Variants in YES1 observed in about 807,000 individuals in gnomAD.
The protein encoded by YES1 is YES proto-oncogene 1, Src family tyrosine kinase, also known as tyrosine-protein kinase Yes.
YES1 carries 39 observed loss-of-function variants against 70.4 expected under a neutral mutation model. The observed-to-expected ratio is 0.55, with a 90% CI of 0.43 to 0.72. The LOEUF (loss-of-function observed/expected upper bound fraction) is 0.72, where lower values mean the gene tolerates loss of function less well. Among genes scored for constraint, YES1 ranks in the 30% least tolerant of loss-of-function variants. The pLI, the probability that YES1 is intolerant of heterozygous loss-of-function variation, is 0.00. For missense variants in YES1, 495 were observed against 644.8 expected, an observed-to-expected ratio of 0.77 and a Z score of 2.52; for synonymous variants, 198 against 218.6, an observed-to-expected ratio of 0.91 and a Z score of 0.83.
At chr18:765,017 A>T (rs1904808489) in intron 1 of YES1, among the ~76,000 whole-genome samples, 1 of 151,776 alleles carries the variant, frequency 6.6e-6, no homozygotes, top group South Asian at 2.1e-4. Flanking sequence ...TACAGGCGTG[A>T]GCCACCTCGC....
intron 1 of YES1, among the ~76,000 whole-genome samples, chr18:773,044 G>A (rs1237255452): frequency 6.6e-6 from 1 of 152,144 alleles, no homozygotes; most frequent in Non-Finnish European, 1.5e-5. Flanking sequence ...TATGATGACT[G>A]GCCTCTTTAG....
intron 1 of YES1, among the ~76,000 whole-genome samples, chr18:761,987 G>A (rs1306164591): frequency 6.6e-6 from 1 of 152,196 alleles, no homozygotes; most frequent in Non-Finnish European, 1.5e-5. Context: ...GGGAGTTTGA[G>A]ACCAGCCTGA....
chr18:730,628 G>C (rs1280607002), intron 11 of YES1, among the ~76,000 whole-genome samples: 2 of 152,158 alleles, frequency 1.3e-5, no homozygotes, highest in Non-Finnish European at 2.9e-5. Flanking sequence ...TATGCTTTCT[G>C]TCTGGGTTTT....
chr18:750,534 T>A (rs1386481680), intron 3 of YES1, among the ~76,000 whole-genome samples: 5 of 152,166 alleles, frequency 3.3e-5, no homozygotes, highest in Non-Finnish European at 2.9e-5. Flanking sequence ...ACCAAAAATG[T>A]CTCCAGATAC....
At chr18:755,489 C>G (rs537161533) in intron 2 of YES1, among the ~76,000 whole-genome samples, 2 of 152,060 alleles carry the variant, frequency 1.3e-5, no homozygotes, top group Non-Finnish European at 2.9e-5. Context: ...TGAGCTCAGG[C>G]AATCTGCCTG....
chr18:736,676 A>T, intron 10 of YES1, 132 bp downstream of exon 10: 1 of 1,205,774 alleles, frequency 8.3e-7, no homozygotes, highest in Non-Finnish European at 1.1e-6. Context: ...TGATTTTATG[A>T]ATGAAATCAA....
intron 6 of YES1, among the ~76,000 whole-genome samples, chr18:744,665 C>T (rs948820944): frequency 1.5e-5 from 2 of 137,380 alleles, no homozygotes; most frequent in Non-Finnish European, 3.0e-5. Flanking sequence ...GGTGGGATTA[C>T]AGGAGTGAGC....
At chr18:735,922 G>C (rs911851917) in intron 10 of YES1, 1 of 152,390 alleles carries the variant, frequency 6.6e-6, no homozygotes, top group African/African-American at 2.4e-5. Context: ...TGCCATTTTA[G>C]CACTTTGGGA....
chr18:808,485 C>T (rs1388534764), intron 1 of YES1, among the ~76,000 whole-genome samples: 2 of 152,184 alleles, frequency 1.3e-5, no homozygotes, highest in Non-Finnish European at 2.9e-5. Context: ...CAGATTATTT[C>T]CTTTAAAGAA....
At chr18:744,198 C>T (rs1012112122) in intron 6 of YES1, among the ~76,000 whole-genome samples, 1 of 151,776 alleles carries the variant, frequency 6.6e-6, no homozygotes, top group African/African-American at 2.4e-5. Context: ...TAAGGCCCTG[C>T]AGTTAGTAAA....
In YES1 at chr18:769,957, C is replaced by CTTT. The variant is rs10645789; in HGVS notation, c.-8-13125_-8-13123dup. The stretch of plus-strand genomic sequence containing the variant: ...AATTGGGAAGTATTCTCTTCCTGTT[C>CTTT]TTTTTTTTTTTTTGAGACGGAGTCT... On this transcript the variant is annotated intron_variant, in intron 1 of 11. Transcript: ENST00000314574. Among the ~76,000 whole-genome samples, 917 of 144,552 alleles carry CTTT rather than the reference C, an allele frequency of 6.3e-3. 11 individuals are homozygous for CTTT. The highest frequency in any genetic ancestry group is 0.022 in the South Asian group (101 of 4,556). 94.8% of individuals were successfully genotyped at this position (144,552 alleles called of 152,430 possible). A position where few individuals can be genotyped will look rare whatever the true frequency, so the allele number is the denominator to read the frequency against.
chr18:791,636 A>G (rs1401244326), intron 1 of YES1, among the ~76,000 whole-genome samples: 1 of 152,234 alleles, frequency 6.6e-6, no homozygotes, highest in African/African-American at 2.4e-5. Context: ...CCACATTTAA[A>G]AACATAAAAC....
rs1906563895 is a variant in YES1, at chr18:796,717, C to T, written c.-9+15397G>A. ...AGGTTACAGTGAGCCAAGATGGCAC[C>T]ACTGCACTGGCCTGGGTGACAGAGG... On this transcript the variant is annotated intron_variant, in intron 1 of 11. Coordinates refer to ENST00000314574, the MANE Select transcript of YES1 (RefSeq NM_005433.4). 1.3e-5 allele frequency among the ~76,000 whole-genome samples: 2 copies of T among 152,066 alleles called. 1 individual carries two copies. The highest frequency in any genetic ancestry group is 1.3e-4 in the Admixed American group (2 of 15,262).
At chr18:798,939 C>CT (rs1568219739) in intron 1 of YES1, among the ~76,000 whole-genome samples, 3 of 152,162 alleles carry the variant, frequency 2.0e-5, no homozygotes. Flanking sequence ...ATATCACTAG[C>CT]TTTTTTTCCT....
chr18:729,238 T>C (rs2080057692), intron 11 of YES1, among the ~76,000 whole-genome samples: 1 of 152,078 alleles, frequency 6.6e-6, no homozygotes, highest in African/African-American at 2.4e-5. Flanking sequence ...TTTGATATAA[T>C]GTTTTACAGT....
intron 1 of YES1, among the ~76,000 whole-genome samples, chr18:766,516 A>G (rs924303925): frequency 1.3e-5 from 2 of 151,618 alleles, no homozygotes; most frequent in Non-Finnish European, 2.9e-5. Flanking sequence ...TCTAATAGGA[A>G]GCAACCATTA....
At chr18:763,204 A>T (rs554765983) in intron 1 of YES1, among the ~76,000 whole-genome samples, 35 of 152,302 alleles carry the variant, frequency 2.3e-4, no homozygotes, top group African/African-American at 8.4e-4. Flanking sequence ...TTTAATATAG[A>T]AGATTATTTG....
At chr18:730,930 A>G (rs1050441118) in intron 11 of YES1, among the ~76,000 whole-genome samples, 1 of 142,166 alleles carries the variant, frequency 7.0e-6, no homozygotes, top group African/African-American at 2.7e-5. Flanking sequence ...TTTGCTAAGC[A>G]ATGATGATGA....
chr18:802,004 A>C (rs1374125972), intron 1 of YES1, among the ~76,000 whole-genome samples: 2 of 152,212 alleles, frequency 1.3e-5, no homozygotes, highest in Non-Finnish European at 2.9e-5. Flanking sequence ...TTAGTGTAAT[A>C]ACACATCTTT....
Sources: allele counts gnomAD v4.1 joint callset (sites outside exome capture counted in the v4.1 genomes callset), GRCh38; gene constraint gnomAD v4.1.1; transcripts MANE v1.5; gene names NCBI Gene and HGNC (gene_info 2026-07-23, HGNC 2026-07-21).